Variants in RPS10 observed in about 807,000 individuals in gnomAD.
RPS10 encodes the protein ribosomal protein S10, also known as small ribosomal subunit protein eS10.
RPS10 carries 2 observed loss-of-function variants against 22.6 expected under a neutral mutation model. That is an observed-to-expected ratio of 0.09 (90% CI 0.04 to 0.28). The LOEUF is 0.28. Ranked by LOEUF, RPS10 falls within the 10% of genes least tolerant of loss-of-function variation. The pLI is 1.00. For missense variants in RPS10, 137 were observed against 222.2 expected, an observed-to-expected ratio of 0.62 and a Z score of 2.44; for synonymous variants, 70 against 75.9, an observed-to-expected ratio of 0.92 and a Z score of 0.40.
In RPS10 at chr6:34,424,819, C is replaced by T; in HGVS notation, c.172G>A (p.Val58Met). ...TGTCTCCAGGCAAACTGTTCCTTCA[C>T]GTAGCCTCGGGACTTGAGAGACTGT... ...AMQSLKSRGYVKEQFAWRHFY... is the reference protein window; with the variant it reads ...AMQSLKSRGYMKEQFAWRHFY... The change falls in exon 3 of 6, where the codon GTG (valine) becomes ATG (methionine). Residue 58 changes from valine to methionine, a missense_variant. Val to Met is a conservative substitution (Grantham distance 21). Coordinates refer to ENST00000648437, the MANE Select transcript of RPS10 (RefSeq NM_001014.5). 6.2e-7 allele frequency: 1 copy of T among 1,614,014 alleles called. No individual in the cohort carries two copies. The highest frequency in any genetic ancestry group is 1.3e-5 in the African/African-American group (1 of 75,050).
At chr6:34,425,383 G>T (rs1357394069) in intron 1 of RPS10, 162 bp from the exon 2 acceptor site, 1 of 834,744 alleles carries the variant, frequency 1.2e-6, no homozygotes, top group Non-Finnish European at 1.9e-6. Flanking sequence ...AGCTCCGTCA[G>T]TCCCCACCCC....
rs376535424 is a variant in RPS10 at position 34,421,974 on chromosome 6, A to C, written c.323-167T>G. On this transcript the variant is annotated intron_variant, in intron 3 of 5. Coordinates refer to ENST00000648437, the MANE Select transcript of RPS10 (RefSeq NM_001014.5). Reference sequence around the variant, plus strand: ...AAACCTACAATGTCAGCTAGAAATAATTATTTCTCCATAGAAACTTATTGA... The same window carrying C: ...AAACCTACAATGTCAGCTAGAAATACTTATTTCTCCATAGAAACTTATTGA... Among the ~76,000 whole-genome samples, 4 of 152,036 alleles carry C rather than the reference A, an allele frequency of 2.6e-5. No individual in the cohort carries two copies. In the East Asian group the frequency reaches 7.7e-4, roughly 29 times the overall value.
rs766816705 is a variant in RPS10, at chr6:34,418,440, T to C, written c.401-16A>G. On this transcript the variant is annotated splice_polypyrimidine_tract_variant and intron_variant, in intron 4 of 5. Coordinates refer to ENST00000648437, the MANE Select transcript of RPS10 (RefSeq NM_001014.5). The stretch of plus-strand genomic sequence containing the variant: ...TCGGCACCAGCTAGAAAGTGAAACA[T>C]CGATTTAGAATCATCATATGATCTA... 3 of 1,614,194 alleles carry C rather than the reference T, an allele frequency of 1.9e-6. No homozygotes were observed. Among genetic ancestry groups the C allele is most frequent in the East Asian group, 2.2e-5 (1 of 44,880 alleles).
chr6:34,423,594 C>T (rs916361980), intron 3 of RPS10, among the ~76,000 whole-genome samples: 2 of 152,092 alleles, frequency 1.3e-5, no homozygotes, highest in African/African-American at 4.8e-5. Context: ...GCTAAAAAGA[C>T]GTATTATGGG....
chr6:34,424,847 G>C lies in RPS10; in HGVS notation c.151-7C>G. 1.2e-6 allele frequency: 2 copies of C among 1,613,798 alleles called. No individual in the cohort carries two copies. Among genetic ancestry groups the C allele is most frequent in the Non-Finnish European group, 1.7e-6 (2 of 1,180,032 alleles). ...AGCCTCGGGACTTGAGAGACTGTAA[G>C]GCAGAAAACTACTGTTAAGGCGTTA... is the stretch of plus-strand genomic sequence containing the variant. On this transcript the variant is annotated splice_polypyrimidine_tract_variant and splice_region_variant and intron_variant, in intron 2 of 5. Coordinates refer to ENST00000648437, the MANE Select transcript of RPS10 (RefSeq NM_001014.5).
chr6:34,418,472 T>C (rs781105913), intron 4 of RPS10, 48 bp from the exon 5 acceptor site: 5 of 1,613,604 alleles, frequency 3.1e-6, no homozygotes, highest in South Asian at 2.2e-5. Context: ...TCTAATCTAC[T>C]ATAGAACAAG....
chr6:34,425,083 T>C lies in RPS10; in HGVS notation c.139A>G (p.Lys47Glu). 6.2e-7 allele frequency: 1 copy of C among 1,612,514 alleles called. No individual in the cohort carries two copies. Among genetic ancestry groups the C allele is most frequent in the Non-Finnish European group, 8.5e-7 (1 of 1,179,968 alleles). ...DKNVPNLHVM[K>E]AMQSLKSRGY... is the part of the protein sequence containing the mutation. ...CCTCACCCTCCTACCTGCATGGCCT[T>C]CATGACATGAAGGTTGGGCACATTC... The change falls in exon 2 of 6, where the codon AAG becomes GAG. Residue 47 changes from lysine to glutamate, a missense_variant. Coordinates refer to ENST00000648437, the MANE Select transcript of RPS10 (RefSeq NM_001014.5).
intron 3 of RPS10, 176 bp downstream of exon 3, chr6:34,424,487 GGCCTGA>G: frequency 1.4e-6 from 1 of 708,294 alleles, no homozygotes; most frequent in South Asian, 1.8e-5. Flanking sequence ...TCTCATGGAT[GGCCTGA>G]AGAACTGAGT....
intron 3 of RPS10, among the ~76,000 whole-genome samples, chr6:34,423,694 G>A (rs1765847593): frequency 6.6e-6 from 1 of 152,098 alleles, no homozygotes; most frequent in South Asian, 2.1e-4. Context: ...GCCCAGCCTG[G>A]CCAACAGAGT....
At chr6:34,423,279 G>A (rs1305279925) in intron 3 of RPS10, among the ~76,000 whole-genome samples, 3 of 151,780 alleles carry the variant, frequency 2.0e-5, no homozygotes, top group African/African-American at 7.3e-5. Flanking sequence ...CTTAACCACA[G>A]GTGTGCACCA....
At chr6:34,425,998 G>C (rs565655165) in intron 1 of RPS10, 34 bp downstream of exon 1, 12 of 152,760 alleles carry the variant, frequency 7.9e-5, no homozygotes, top group African/African-American at 2.6e-4. Flanking sequence ...GCCCGGATGG[G>C]AGCCGATGGA....
intron 3 of RPS10, among the ~76,000 whole-genome samples, chr6:34,422,734 C>T (rs1027281154): frequency 6.7e-6 from 1 of 149,468 alleles, no homozygotes; most frequent in East Asian, 2.1e-4. Flanking sequence ...GCTGGGATTA[C>T]AGGTGTGAGC....
intron 3 of RPS10, 31 bp downstream of exon 3, chr6:34,424,638 A>G: frequency 6.2e-7 from 1 of 1,613,674 alleles, no homozygotes; most frequent in Non-Finnish European, 8.5e-7. Flanking sequence ...CTATCTTCAA[A>G]TAGCTGAAGG....
chr6:34,424,689 G>C lies in RPS10; in HGVS notation c.302C>G (p.Thr101Ser), dbSNP rs1765892356. 6.2e-7 allele frequency: 1 copy of C among 1,614,084 alleles called. No homozygotes were observed. The highest frequency in any genetic ancestry group is 2.2e-5 in the East Asian group (1 of 44,892). ...CATACCTTTAGGCCGAGGCCTGCCA[G>C]TCTCTGGACGGCTACGGCGTAGGGT... is the stretch of plus-strand genomic sequence containing the variant. ...PATLRRSRPE[T>S]GRPRPKGLEG... The change falls in exon 3 of 6, where the codon ACT becomes AGT. Residue 101 changes from threonine to serine, a missense_variant. Coordinates refer to ENST00000648437, the MANE Select transcript of RPS10 (RefSeq NM_001014.5).
chr6:34,424,437 G>A, intron 3 of RPS10: 7 of 555,824 alleles, frequency 1.3e-5, no homozygotes, highest in South Asian at 8.1e-5. Context: ...TTGTACAGGT[G>A]TGGGTGAAGA....
intron 4 of RPS10, among the ~76,000 whole-genome samples, chr6:34,421,337 C>T (rs1314447710): frequency 6.6e-6 from 1 of 151,842 alleles, no homozygotes. Context: ...ACGCCCACCA[C>T]CACACCGCCC....
In RPS10 at chr6:34,425,240, T is replaced by C. The variant is rs1247328993; in HGVS notation, c.1-19A>G. The stretch of plus-strand genomic sequence containing the variant: ...TCAACATCTGCAAGAAGGAGACGAT[T>C]GTCAAGAGCACTTCTGAGTAACGAG... On this transcript the variant is annotated intron_variant, in intron 1 of 5. Coordinates refer to ENST00000648437, the MANE Select transcript of RPS10 (RefSeq NM_001014.5). 1.7e-5 allele frequency: 27 copies of C among 1,595,978 alleles called. No homozygotes were observed. The highest frequency in any genetic ancestry group is 2.3e-5 in the Non-Finnish European group (27 of 1,171,288).
intron 1 of RPS10, 162 bp from the exon 2 acceptor site, chr6:34,425,383 G>A (rs1357394069): frequency 7.2e-6 from 6 of 834,626 alleles, no homozygotes; most frequent in African/African-American, 1.7e-5. Flanking sequence ...AGCTCCGTCA[G>A]TCCCCACCCC....
At chr6:34,417,794 A>G (rs775598921) in intron 5 of RPS10, 123 of 718,804 alleles carry the variant, frequency 1.7e-4, no homozygotes, top group African/African-American at 1.7e-5. Context: ...GTGTTCATAC[A>G]TACTCCTATG....
Sources: allele counts gnomAD v4.1 joint callset (sites outside exome capture counted in the v4.1 genomes callset), GRCh38; gene constraint gnomAD v4.1.1; transcripts MANE v1.5; gene names NCBI Gene and HGNC (gene_info 2026-07-23, HGNC 2026-07-21).